Variants in SH2D1B observed in about 807,000 individuals in gnomAD.
SH2D1B encodes SH2 domain-containing protein 1B.
SH2D1B carries 11 observed loss-of-function variants against 16.3 expected under a neutral mutation model. The observed-to-expected ratio is 0.67, with a 90% CI of 0.42 to 1.11. The LOEUF is 1.11. Among genes scored for constraint, SH2D1B ranks in the 50% most tolerant of loss-of-function variants. SH2D1B has a pLI of 0.00. For missense variants in SH2D1B, 123 were observed against 153.1 expected, an observed-to-expected ratio of 0.80 and a Z score of 1.04; for synonymous variants, 55 against 56.1, an observed-to-expected ratio of 0.98 and a Z score of 0.09.
In SH2D1B at chr1:162,399,037, G is replaced by A. The variant is rs1364046676; in HGVS notation, c.249C>T (p.Ile83=). The A allele has an allele frequency of 6.2e-7, 1 of 1,614,088 alleles. No homozygotes were observed. The highest frequency in any genetic ancestry group is 8.5e-7 in the Non-Finnish European group (1 of 1,179,986). ...KQVFPSLKEL[I]SKFEKPNQGM... ...CCTGATTTGGTTTTTCAAATTTGGA[G>A]ATCAGTTCCTTTAGGCTTGGAAAGA... The change falls in exon 3 of 4, where the codon ATC becomes ATT. Residue 83 remains isoleucine, a synonymous_variant. Coordinates refer to ENST00000367929, the MANE Select transcript of SH2D1B (RefSeq NM_053282.5).
At chr1:162,406,639 C>A (rs951009597) in intron 1 of SH2D1B, among the ~76,000 whole-genome samples, 4 of 152,030 alleles carry the variant, frequency 2.6e-5, no homozygotes, top group Admixed American at 1.3e-4. Context: ...CTTGATAAAC[C>A]ACCACAACAA....
chr1:162,411,859 T>A (rs1245715172), intron 1 of SH2D1B, 24 bp downstream of exon 1: 1 of 1,613,874 alleles, frequency 6.2e-7, no homozygotes. Context: ...CGATGTCAGA[T>A]GTGTGCAAGA....
chr1:162,399,715 GTTC>G (rs1648462611), intron 2 of SH2D1B, among the ~76,000 whole-genome samples: 1 of 152,094 alleles, frequency 6.6e-6, no homozygotes, highest in Non-Finnish European at 1.5e-5. Flanking sequence ...GTGTCCATGT[GTTC>G]TTATCATTCA....
chr1:162,404,183 A>C (rs909211862), intron 1 of SH2D1B, among the ~76,000 whole-genome samples: 7 of 152,066 alleles, frequency 4.6e-5, no homozygotes, highest in Non-Finnish European at 1.0e-4. Context: ...TAAAAATACA[A>C]AAATTTGCTG....
intron 3 of SH2D1B, 79 bp downstream of exon 3, chr1:162,398,844 C>T (rs920346454): frequency 1.7e-5 from 25 of 1,441,656 alleles, no homozygotes; most frequent in Non-Finnish European, 2.3e-5. Context: ...GAGCATTTGT[C>T]TGTATTGAGT....
chr1:162,404,330 C>T (rs945183539), intron 1 of SH2D1B, among the ~76,000 whole-genome samples: 18 of 151,542 alleles, frequency 1.2e-4, no homozygotes, highest in African/African-American at 4.4e-4. Flanking sequence ...AGTGAGACTC[C>T]ATCTCAAAAA....
rs972105143 is a variant in SH2D1B, at chr1:162,406,727, AAGGCAATAGAT to A, written c.135-3936_135-3926del. Among the ~76,000 whole-genome samples, 13 of 152,326 alleles carry A rather than the reference AAGGCAATAGAT, an allele frequency of 8.5e-5. 1 individual carries two copies. Among genetic ancestry groups the A allele is most frequent in the Admixed American group, 7.2e-4 (11 of 15,306 alleles). ...AATCTGAGACTCATAAATGACTCTCAAGGCAATAGATAGACATTGCCATTATTATTCTTAAT... is the reference window on the plus strand; with the variant it reads ...AATCTGAGACTCATAAATGACTCTCAAGACATTGCCATTATTATTCTTAAT... On this transcript the variant is annotated intron_variant, in intron 1 of 3. Coordinates refer to ENST00000367929, the MANE Select transcript of SH2D1B (RefSeq NM_053282.5).
intron 3 of SH2D1B, 100 bp from the exon 4 acceptor site, chr1:162,397,415 A>T: frequency 7.6e-7 from 1 of 1,314,768 alleles, no homozygotes. Flanking sequence ...CTCCCCAGGC[A>T]CAGAGCCATG....
intron 1 of SH2D1B, among the ~76,000 whole-genome samples, chr1:162,409,642 G>A (rs111260027): frequency 2.8e-4 from 43 of 152,174 alleles, no homozygotes; most frequent in Admixed American, 2.3e-3. Context: ...ATAATGGCGC[G>A]ATCTCGGCTC....
chr1:162,410,937 T>C (rs1472474107), intron 1 of SH2D1B, among the ~76,000 whole-genome samples: 1 of 150,594 alleles, frequency 6.6e-6, no homozygotes. Context: ...ATTACAGGAG[T>C]GAGCCACTGT....
chr1:162,407,901 CATA>C (rs1648687741), intron 1 of SH2D1B, among the ~76,000 whole-genome samples: 1 of 152,204 alleles, frequency 6.6e-6, no homozygotes, highest in South Asian at 2.1e-4. Context: ...ACGCATGGAA[CATA>C]ATAAGTGCTC....
intron 1 of SH2D1B, among the ~76,000 whole-genome samples, chr1:162,404,316 A>T (rs1276414285): frequency 6.6e-6 from 1 of 152,182 alleles, no homozygotes; most frequent in Non-Finnish European, 1.5e-5. Context: ...AGCCTGGGTG[A>T]CAGAGTGAGA....
chr1:162,408,466 G>A (rs1034041363), intron 1 of SH2D1B, among the ~76,000 whole-genome samples: 1 of 146,088 alleles, frequency 6.8e-6, no homozygotes, highest in Non-Finnish European at 1.5e-5. Context: ...CGGCTGGAGT[G>A]CAGTGGTGCG....
intron 1 of SH2D1B, 61 bp from the exon 2 acceptor site, chr1:162,402,863 G>T (rs1571273051): frequency 7.5e-7 from 1 of 1,337,520 alleles, no homozygotes. Context: ...AACATCTATC[G>T]TTATGTTTCA....
intron 3 of SH2D1B, 65 bp downstream of exon 3, chr1:162,398,858 C>G (rs1302321740): frequency 6.6e-7 from 1 of 1,520,770 alleles, no homozygotes; most frequent in East Asian, 2.3e-5. Context: ...ATTGAGTTTA[C>G]AAAGTAAGGC....
At chr1:162,408,999 T>G (rs1180142391) in intron 1 of SH2D1B, among the ~76,000 whole-genome samples, 1 of 151,514 alleles carries the variant, frequency 6.6e-6, no homozygotes, top group Non-Finnish European at 1.5e-5. Flanking sequence ...TCCCAGATAC[T>G]CAGGGGGCCT....
rs1161027932 is a variant in SH2D1B at position 162,397,032 on chromosome 1, C to G, written c.*248G>C. ...ACAAGTCAAAGGGAAAATGTTCAGG[C>G]TGTCCCATTCCAAGAAAGAAGAGTG... On this transcript the variant is annotated 3_prime_UTR_variant, in exon 4 of 4. Coordinates refer to ENST00000367929, the MANE Select transcript of SH2D1B (RefSeq NM_053282.5). 9 of 499,474 alleles carry G rather than the reference C, an allele frequency of 1.8e-5. No individual in the cohort carries two copies. The highest frequency in any genetic ancestry group is 6.5e-5 in the Admixed American group (2 of 30,608). 30.9% of individuals were successfully genotyped at this position (499,474 alleles called of 1,614,324 possible).
intron 1 of SH2D1B, among the ~76,000 whole-genome samples, chr1:162,403,275 G>A (rs1648566203): frequency 6.6e-6 from 1 of 151,776 alleles, no homozygotes; most frequent in African/African-American, 2.4e-5. Flanking sequence ...CAGATCACGA[G>A]GTCAGGAGTT....
intron 2 of SH2D1B, among the ~76,000 whole-genome samples, chr1:162,401,647 G>A (rs1427969318): frequency 1.3e-5 from 2 of 151,994 alleles, no homozygotes; most frequent in African/African-American, 4.8e-5. Flanking sequence ...AATTAACCTG[G>A]ATACAGTACT....
Sources: gnomAD v4.1 joint callset for allele counts (sites outside exome capture counted in the v4.1 genomes callset) on GRCh38, gnomAD v4.1.1 for gene constraint, MANE v1.5 for transcripts, NCBI Gene and HGNC (gene_info 2026-07-23, HGNC 2026-07-21) for gene names.